The following USP3 variants were observed in gnomAD, a reference collection of about 807,000 sequenced individuals.
USP3 encodes ubiquitin specific peptidase 3.
In USP3, 20 loss-of-function variants were observed where a neutral mutation model predicts 72.3. The observed-to-expected ratio is 0.28, with a 90% CI of 0.19 to 0.40. The LOEUF (loss-of-function observed/expected upper bound fraction) is 0.40. Among genes scored for constraint, USP3 ranks in the 10% least tolerant of loss-of-function variants. USP3 has a pLI of 1.00. For missense variants in USP3, 479 were observed against 633.9 expected (o/e 0.76, Z 2.62); for synonymous variants, 222 against 225.3 (o/e 0.99, Z 0.13).
In USP3 at chr15:63,537,388, C is replaced by T. The variant is rs140872508; in HGVS notation, c.284+232C>T. ...TCCTTTTCTCTCCCACCTCCCGTTC[C>T]TCATCCATCCTAGCTTCAAGGAAAT... On this transcript the variant is annotated intron_variant, in intron 3 of 14. Transcript: ENST00000380324. Among the ~76,000 whole-genome samples, 125 of 152,256 alleles carry T rather than the reference C, an allele frequency of 8.2e-4. 1 individual carries two copies. The East Asian group carries it at 0.021, about 26-fold the overall frequency.
intron 1 of USP3, among the ~76,000 whole-genome samples, chr15:63,514,315 TA>T (rs201204473): frequency 2.6e-5 from 4 of 151,590 alleles, no homozygotes; most frequent in Admixed American, 6.6e-5. Context: ...CTATCGATTG[TA>T]AAAAAAAATT....
At chr15:63,590,636 T>G in intron 14 of USP3, 25 bp from the exon 15 acceptor site, 1 of 1,516,516 alleles carries the variant, frequency 6.6e-7, no homozygotes, top group Non-Finnish European at 8.8e-7. Flanking sequence ...AGGTTCTTTT[T>G]TCCTTTGGTC....
At chr15:63,566,152 A>AT (rs1332284256) in intron 8 of USP3, among the ~76,000 whole-genome samples, 1 of 152,204 alleles carries the variant, frequency 6.6e-6, no homozygotes, top group East Asian at 1.9e-4. Context: ...ATGGAACTTT[A>AT]TTTTTTTAAA....
At chr15:63,540,243 A>G (rs1326009769) in intron 3 of USP3, among the ~76,000 whole-genome samples, 4 of 152,062 alleles carry the variant, frequency 2.6e-5, no homozygotes, top group Non-Finnish European at 4.4e-5. Flanking sequence ...TATGTTTGCA[A>G]TCCTTTATGA....
At chr15:63,561,394 C>T (rs927930956) in intron 7 of USP3, among the ~76,000 whole-genome samples, 2 of 152,050 alleles carry the variant, frequency 1.3e-5, no homozygotes, top group South Asian at 2.1e-4. Flanking sequence ...GTCTGGAGTC[C>T]GAGGCAGCAG....
intron 4 of USP3, among the ~76,000 whole-genome samples, chr15:63,556,031 T>A (rs2066502223): frequency 6.6e-6 from 1 of 152,224 alleles, no homozygotes. Context: ...GAAATAACTT[T>A]CTGATAAATT....
Position 63,570,507 on chromosome 15 carries a change from G to T in USP3, c.836G>T (p.Gly279Val). 4 of 1,614,156 alleles carry T rather than the reference G, an allele frequency of 2.5e-6. No homozygotes were observed. The highest frequency in any genetic ancestry group is 2.5e-6 in the Non-Finnish European group (3 of 1,180,008). ...CACCTACACTTGGAACTTCAGGGCG[G>T]TTTCAACGGTGTTTCCCGCTCAGCA... Reference protein sequence around the residue: ...LDHLHLELQGGFNGVSRSAIL... With the variant: ...LDHLHLELQGVFNGVSRSAIL... The change falls in exon 9 of 15, where the codon GGT (glycine) becomes GTT (valine). Residue 279 changes from glycine to valine, a missense_variant. By Grantham distance (109) the Gly-to-Val change is moderately radical (BLOSUM62 -3). Coordinates refer to ENST00000380324, the MANE Select transcript of USP3 (RefSeq NM_006537.4). The surrounding 1 kb of genome is among the most constrained non-coding windows in gnomAD (Gnocchi z 4.4).
intron 1 of USP3, among the ~76,000 whole-genome samples, chr15:63,510,073 C>T (rs1162468226): frequency 2.0e-5 from 3 of 152,182 alleles, no homozygotes; most frequent in Non-Finnish European, 4.4e-5. Context: ...GCCTTAGGCT[C>T]GTGTAACAGC....
intron 5 of USP3, among the ~76,000 whole-genome samples, chr15:63,557,585 G>A (rs1382897811): frequency 1.3e-5 from 2 of 152,180 alleles, no homozygotes; most frequent in South Asian, 2.1e-4. Context: ...TAGTAGAGAC[G>A]GAGTTTCGCC....
At chr15:63,555,534 A>T (rs916140526) in intron 4 of USP3, among the ~76,000 whole-genome samples, 2 of 152,246 alleles carry the variant, frequency 1.3e-5, no homozygotes, top group African/African-American at 4.8e-5. Flanking sequence ...GATCTAGAAG[A>T]TTCTGCATTT....
At chr15:63,563,453 C>T (rs944850675) in intron 8 of USP3, among the ~76,000 whole-genome samples, 3 of 152,182 alleles carry the variant, frequency 2.0e-5, no homozygotes, top group Non-Finnish European at 4.4e-5. Flanking sequence ...TGTGGTCAAG[C>T]GCCTGGGATG....
rs1215925984 is a variant in USP3, at chr15:63,588,644, C to T, written c.1216-58C>T. 3.7e-6 allele frequency: 5 copies of T among 1,341,496 alleles called. No homozygotes were observed. The highest frequency in any genetic ancestry group is 5.3e-6 in the Non-Finnish European group (5 of 946,020). 83.1% of individuals were successfully genotyped at this position (1,341,496 alleles called of 1,614,324 possible). On this transcript the variant is annotated intron_variant, in intron 12 of 14. Transcript: ENST00000380324. The surrounding 1 kb of genome is among the most constrained non-coding windows in gnomAD (Gnocchi z 4.6). ...TTACTGAACTGATAGTAGTATCAAA[C>T]TTTGACTGAAAGGTAAATTAGGTGT...
At chr15:63,573,159 G>T (rs1389151018) in intron 9 of USP3, among the ~76,000 whole-genome samples, 1 of 152,116 alleles carries the variant, frequency 6.6e-6, no homozygotes, top group Admixed American at 6.5e-5. Context: ...ACACACTTAG[G>T]GAAAAACATA....
In USP3 at chr15:63,593,180, A is replaced by G. The variant is rs1434149327; in HGVS notation, c.*2354A>G. 1 of 152,254 alleles carries G rather than the reference A, an allele frequency of 6.6e-6. No individual in the cohort carries two copies. Among genetic ancestry groups the G allele is most frequent in the Non-Finnish European group, 1.5e-5 (1 of 68,044 alleles). 9.4% of individuals were successfully genotyped at this position (152,254 alleles called of 1,614,324 possible). A position where few individuals can be genotyped will look rare whatever the true frequency, so the allele number is the denominator to read the frequency against. On this transcript the variant is annotated 3_prime_UTR_variant, in exon 15 of 15. Coordinates refer to ENST00000380324, the MANE Select transcript of USP3 (RefSeq NM_006537.4). ...GGGAGATGTGTGCTTAAATTAATTT[A>G]CAATGCTAAATTATATTAGGTTAAA...
In USP3 at chr15:63,540,883, T is replaced by C. The variant is rs141490459; in HGVS notation, c.284+3727T>C. Among the ~76,000 whole-genome samples, 279 of 152,338 alleles carry C rather than the reference T, an allele frequency of 1.8e-3. 3 individuals are homozygous for C. In the East Asian group the frequency reaches 0.023, roughly 13 times the overall value. On this transcript the variant is annotated intron_variant, in intron 3 of 14. Transcript: ENST00000380324. ...AAGATTTCACACAAGAGCTAGTGTTTAGTTTACTGTTTGTTAGGTAATATT... is the reference window on the plus strand; with the variant it reads ...AAGATTTCACACAAGAGCTAGTGTTCAGTTTACTGTTTGTTAGGTAATATT...
At chr15:63,518,517 A>G (rs1221987481) in intron 1 of USP3, among the ~76,000 whole-genome samples, 1 of 152,178 alleles carries the variant, frequency 6.6e-6, no homozygotes, top group Non-Finnish European at 1.5e-5. Context: ...TCTTAATTGG[A>G]AGTAAAGGAC....
chr15:63,590,790 G>T lies in USP3; in HGVS notation c.1527G>T (p.Val509=). 1 of 1,613,886 alleles carries T rather than the reference G, an allele frequency of 6.2e-7. No individual in the cohort carries two copies. The highest frequency in any genetic ancestry group is 8.5e-7 in the Non-Finnish European group (1 of 1,179,948). ...CGAAGGCCTACATCCTTTTCTACGT[G>T]GAACACCAGGCCAAAGCTGGATCGG... ...VKAKAYILFY[V]EHQAKAGSDK... Residue 509 remains valine, a synonymous_variant, in exon 15 of 15, where the codon GTG becomes GTT. Coordinates refer to ENST00000380324, the MANE Select transcript of USP3 (RefSeq NM_006537.4).
intron 8 of USP3, among the ~76,000 whole-genome samples, chr15:63,566,253 G>C (rs942024075): frequency 6.6e-6 from 1 of 150,884 alleles, no homozygotes; most frequent in African/African-American, 2.4e-5. Context: ...CAGGTTTATA[G>C]ACAATGTAAA....
At position 63,528,983 on chromosome 15, in the gene USP3, T is replaced by G; in HGVS notation, c.92-3664T>G. The G allele has an allele frequency of 7.8e-7, 1 of 1,286,792 alleles. No individual in the cohort carries two copies. The highest frequency in any genetic ancestry group is 1.0e-6 in the Non-Finnish European group (1 of 987,022). 79.7% of individuals were successfully genotyped at this position (1,286,792 alleles called of 1,614,324 possible). A position where few individuals can be genotyped will look rare whatever the true frequency, so the allele number is the denominator to read the frequency against. ...TGCCATTTATTGGCTTCAGAATCCC[T>G]CATAATACCCTATCCTCTGTATCTT... On this transcript the variant is annotated intron_variant, in intron 1 of 14. Coordinates refer to ENST00000380324, the MANE Select transcript of USP3 (RefSeq NM_006537.4). The surrounding 1 kb of genome is among the most constrained non-coding windows in gnomAD (Gnocchi z 4.3).
Sources: gnomAD v4.1 joint callset for allele counts (sites outside exome capture counted in the v4.1 genomes callset) on GRCh38, gnomAD v4.1.1 for gene constraint, Gnocchi (gnomAD v3.1) non-coding constraint, MANE v1.5 for transcripts, NCBI Gene and HGNC (gene_info 2026-07-23, HGNC 2026-07-21) for gene names.